The following ZMAT4 variants were observed in gnomAD, a reference collection of about 807,000 sequenced individuals.
The protein encoded by ZMAT4 is zinc finger matrin-type 4, also known as zinc finger matrin-type protein 4.
ZMAT4 carries 17 observed loss-of-function variants against 28.7 expected under a neutral mutation model. That is an observed-to-expected ratio of 0.59 (90% CI 0.41 to 0.89). The LOEUF (loss-of-function observed/expected upper bound fraction) is 0.89. Among genes scored for constraint, ZMAT4 ranks in the 40% least tolerant of loss-of-function variants. The pLI, the probability that ZMAT4 is intolerant of heterozygous loss-of-function variation, is 0.00. For synonymous variants in ZMAT4, 117 were observed against 109.2 expected (o/e 1.07, Z -0.44); for missense variants, 240 against 283.8 (o/e 0.85, Z 1.11).
rs1375141895 is a variant in ZMAT4 at position 40,782,188 on chromosome 8, C to T, written c.103-14458G>A. Among the ~76,000 whole-genome samples the T allele has an allele frequency of 3.9e-5, 6 of 152,062 alleles. No homozygotes were observed. The South Asian group carries it at 1.2e-3, about 32-fold the overall frequency. ...GGATCTCGAGGTCAGGAGTTCAAGACCAGCCTGGCCAATATGGTGAAACCC... is the reference window on the plus strand; with the variant it reads ...GGATCTCGAGGTCAGGAGTTCAAGATCAGCCTGGCCAATATGGTGAAACCC... On this transcript the variant is annotated intron_variant, in intron 2 of 6. Coordinates refer to ENST00000297737, the MANE Select transcript of ZMAT4 (RefSeq NM_024645.3).
chr8:40,695,768 ATTTTTTTTTTTTTT>A (rs756360990), intron 4 of ZMAT4, among the ~76,000 whole-genome samples: 27 of 58,510 alleles, frequency 4.6e-4, no homozygotes, highest in African/African-American at 1.3e-3. Context: ...CCATGTGGCA[ATTTTTTTTTTTTTT>A]TTTTTTTTTT....
At chr8:40,623,116 G>A (rs1239181482) in intron 5 of ZMAT4, among the ~76,000 whole-genome samples, 1 of 152,118 alleles carries the variant, frequency 6.6e-6, no homozygotes, top group Non-Finnish European at 1.5e-5. Context: ...CTTATTGGAG[G>A]AATAATAAGG....
chr8:40,728,795 C>T (rs895027731), intron 3 of ZMAT4, among the ~76,000 whole-genome samples: 1 of 152,140 alleles, frequency 6.6e-6, no homozygotes, highest in Admixed American at 6.5e-5. Flanking sequence ...GAACAAGACG[C>T]CAACCATTTT....
At chr8:40,840,713 T>C (rs1028014) in intron 1 of ZMAT4, among the ~76,000 whole-genome samples, 125,080 of 152,168 alleles carry the variant, frequency 0.82, 51,513 homozygotes, top group Admixed American at 0.9. Flanking sequence ...TTTCTGGTGA[T>C]GCTGTATTCT....
chr8:40,648,373 A>G (rs1807452694), intron 5 of ZMAT4, among the ~76,000 whole-genome samples: 1 of 149,008 alleles, frequency 6.7e-6, no homozygotes, highest in Non-Finnish European at 1.5e-5. Flanking sequence ...AAGTTTAGAG[A>G]AAAAAGAATA....
intron 2 of ZMAT4, among the ~76,000 whole-genome samples, chr8:40,789,259 C>T (rs1337288603): frequency 6.6e-6 from 1 of 152,134 alleles, no homozygotes; most frequent in African/African-American, 2.4e-5. Flanking sequence ...GTAAAAGGCA[C>T]CTATGAAAAC....
At chr8:40,790,086 C>A (rs1046093660) in intron 2 of ZMAT4, among the ~76,000 whole-genome samples, 3 of 152,190 alleles carry the variant, frequency 2.0e-5, no homozygotes, top group Non-Finnish European at 4.4e-5. Context: ...CACTCCCCTG[C>A]CTGCCTTTGA....
At chr8:40,615,369 C>T (rs1805962913) in intron 5 of ZMAT4, among the ~76,000 whole-genome samples, 1 of 152,166 alleles carries the variant, frequency 6.6e-6, no homozygotes, top group South Asian at 2.1e-4. Context: ...TTTTTTACCT[C>T]ATTTCAACTT....
At chr8:40,829,813 A>C (rs914829140) in intron 1 of ZMAT4, among the ~76,000 whole-genome samples, 1 of 152,198 alleles carries the variant, frequency 6.6e-6, no homozygotes, top group Non-Finnish European at 1.5e-5. Flanking sequence ...TAGAGTGGAG[A>C]GAAATGAGTT....
chr8:40,688,509 C>T (rs1400027742), intron 4 of ZMAT4, among the ~76,000 whole-genome samples: 1 of 151,882 alleles, frequency 6.6e-6, no homozygotes, highest in Non-Finnish European at 1.5e-5. Context: ...TTTGTTGGGC[C>T]CCTTTAATCT....
intron 5 of ZMAT4, among the ~76,000 whole-genome samples, chr8:40,589,857 CCTCT>C (rs1341974037): frequency 6.9e-6 from 1 of 145,786 alleles, no homozygotes; most frequent in African/African-American, 2.5e-5. Context: ...TTCCTTTCTT[CCTCT>C]CTCTCCCGTC....
rs1186797269 is a variant in ZMAT4, at chr8:40,759,011, G to A, written c.192+8630C>T. Among the ~76,000 whole-genome samples, 5 of 152,168 alleles carry A rather than the reference G, an allele frequency of 3.3e-5. 1 individual carries two copies. The highest frequency in any genetic ancestry group is 3.9e-4 in the East Asian group (2 of 5,188). ...TGAGAAAAGCCAGTCTAGGCCAGGT[G>A]CAGTGGATCACGCCTGTAATCCTAG... On this transcript the variant is annotated intron_variant, in intron 3 of 6. Transcript: ENST00000297737.
intron 5 of ZMAT4, among the ~76,000 whole-genome samples, chr8:40,592,415 T>A (rs1030362308): frequency 1.3e-5 from 2 of 152,214 alleles, no homozygotes; most frequent in African/African-American, 4.8e-5. Context: ...TGTTTAAATG[T>A]TTAGCCTTCT....
intron 4 of ZMAT4, among the ~76,000 whole-genome samples, chr8:40,680,351 C>A (rs1809102388): frequency 6.6e-6 from 1 of 152,026 alleles, no homozygotes; most frequent in South Asian, 2.1e-4. Context: ...GGGGCTAAAA[C>A]AAGGAAAGTC....
intron 3 of ZMAT4, among the ~76,000 whole-genome samples, chr8:40,756,260 C>G (rs1488613029): frequency 2.0e-5 from 3 of 151,810 alleles, no homozygotes; most frequent in Non-Finnish European, 4.4e-5. Flanking sequence ...GTGTTCCATT[C>G]TGCCACCAGG....
chr8:40,651,040 C>G (rs1239096538), intron 5 of ZMAT4, among the ~76,000 whole-genome samples: 60 of 151,688 alleles, frequency 4.0e-4, no homozygotes, highest in Admixed American at 1.1e-3. Context: ...CCTCTCTCAC[C>G]ACTCCTATTC....
chr8:40,559,195 G>A (rs1395659426), intron 6 of ZMAT4, among the ~76,000 whole-genome samples: 1 of 152,070 alleles, frequency 6.6e-6, no homozygotes, highest in Non-Finnish European at 1.5e-5. Context: ...AATGATTTCT[G>A]TAACTTTCTC....
intron 3 of ZMAT4, among the ~76,000 whole-genome samples, chr8:40,744,100 G>A (rs1417594940): frequency 6.6e-6 from 1 of 152,218 alleles, no homozygotes; most frequent in Admixed American, 6.5e-5. Flanking sequence ...AGACTAGAAT[G>A]AGATAACACA....
At chr8:40,781,590 G>A (rs1285722839) in intron 2 of ZMAT4, among the ~76,000 whole-genome samples, 1 of 149,958 alleles carries the variant, frequency 6.7e-6, no homozygotes, top group African/African-American at 2.4e-5. Context: ...GTGAAACCCC[G>A]TCTCTACTAA....
Sources: gnomAD v4.1 joint callset for allele counts (sites outside exome capture counted in the v4.1 genomes callset) on GRCh38, gnomAD v4.1.1 for gene constraint, MANE v1.5 for transcripts, NCBI Gene and HGNC (gene_info 2026-07-23, HGNC 2026-07-21) for gene names.